The following INPP4A variants were observed in gnomAD, a reference collection of about 807,000 sequenced individuals.
INPP4A encodes inositol polyphosphate-4-phosphatase, type I, 107kD.
A neutral mutation model predicts 119.8 loss-of-function variants in INPP4A; 33 were observed. That is an observed-to-expected ratio of 0.28 (90% confidence interval 0.21 to 0.37). INPP4A has a LOEUF of 0.37. INPP4A is among the 10% of genes least tolerant of loss of function. INPP4A has a pLI of 1.00. For missense variants in INPP4A, 956 were observed against 1,289.9 expected, an observed-to-expected ratio of 0.74 and a Z score of 3.97; for synonymous variants, 496 against 500.7, an observed-to-expected ratio of 0.99 and a Z score of 0.12.
At chr2:98,556,365 G>T (rs943831070) in intron 16 of INPP4A, among the ~76,000 whole-genome samples, 3 of 152,234 alleles carry the variant, frequency 2.0e-5, no homozygotes, top group Non-Finnish European at 4.4e-5. Flanking sequence ...TGGGCTTCTG[G>T]TGGTCTGAGT....
chr2:98,565,731 C>T lies in INPP4A; in HGVS notation c.2244C>T (p.Ala748=), dbSNP rs1484839153. 7 of 1,613,432 alleles carry T rather than the reference C, an allele frequency of 4.3e-6. No individual in the cohort carries two copies. The highest frequency in any genetic ancestry group is 5.9e-6 in the Non-Finnish European group (7 of 1,179,654). ...TFKVTQATSS[A]SADMLPVITG... Reference sequence around the variant, plus strand: ...AAGTCACTCAGGCCACTTCCAGCGCCTCCGCAGACATGCTGCCCGTCATCA... The same window carrying T: ...AAGTCACTCAGGCCACTTCCAGCGCTTCCGCAGACATGCTGCCCGTCATCA... Residue 748 remains alanine, a synonymous_variant, in exon 20 of 25, where the codon GCC becomes GCT. Transcript: ENST00000409851.
In INPP4A at chr2:98,535,843, A is replaced by G. The variant is rs771383844; in HGVS notation, c.385A>G (p.Thr129Ala). The change falls in exon 6 of 25, where the codon ACA (threonine) becomes GCA (alanine). Residue 129 changes from threonine to alanine, a missense_variant and splice_region_variant. Around this residue, in one of 2 missense-constraint regions of INPP4A, gnomAD observed 652 missense variants for 797.9 expected, o/e 0.82. Transcript: ENST00000409851. ...VYDVKDRSQG[T>A]MYLLGSGTFI... Reference sequence around the variant, plus strand: ...TGATGTCAAAGATAGATCTCAGGGAACAGTTAAGTAATGTGTTGTAGTTCG... The same window carrying G: ...TGATGTCAAAGATAGATCTCAGGGAGCAGTTAAGTAATGTGTTGTAGTTCG... 3.5e-6 allele frequency: 5 copies of G among 1,422,544 alleles called. No individual in the cohort carries two copies. The highest frequency in any genetic ancestry group is 4.9e-6 in the Non-Finnish European group (5 of 1,015,634). 88.1% of individuals were successfully genotyped at this position (1,422,544 alleles called of 1,614,324 possible).
intron 1 of INPP4A, among the ~76,000 whole-genome samples, chr2:98,489,749 A>T (rs904284676): frequency 1.3e-5 from 2 of 152,110 alleles, no homozygotes; most frequent in Admixed American, 1.3e-4. Context: ...CTAGTCTGTA[A>T]CTATGGAGAG....
intron 1 of INPP4A, among the ~76,000 whole-genome samples, chr2:98,475,280 T>C (rs533101860): frequency 1.3e-5 from 2 of 152,186 alleles, no homozygotes; most frequent in African/African-American, 4.8e-5. Flanking sequence ...CCATCCTGGG[T>C]GCAACTTCAT....
chr2:98,485,380 C>G (rs1427544492), intron 1 of INPP4A, among the ~76,000 whole-genome samples: 1 of 152,160 alleles, frequency 6.6e-6, no homozygotes, highest in Non-Finnish European at 1.5e-5. Context: ...ATATCCAAGT[C>G]AGAACTGATT....
chr2:98,482,246 T>G (rs541871559), intron 1 of INPP4A, among the ~76,000 whole-genome samples: 1 of 152,404 alleles, frequency 6.6e-6, no homozygotes, highest in Admixed American at 6.5e-5. Context: ...TCTTTGCCTT[T>G]ACACCTGTGG....
At chr2:98,538,557 A>G (rs960961329) in intron 8 of INPP4A, among the ~76,000 whole-genome samples, 1 of 152,156 alleles carries the variant, frequency 6.6e-6, no homozygotes, top group African/African-American at 2.4e-5. Context: ...GAGATGTCTC[A>G]TTTCACCCAA....
chr2:98,539,718 C>G, intron 10 of INPP4A, 43 bp downstream of exon 10: 1 of 1,566,258 alleles, frequency 6.4e-7, no homozygotes, highest in Middle Eastern at 1.7e-4. Flanking sequence ...ATACCCATGT[C>G]ATGTGCCCCT....
At chr2:98,510,675 C>T (rs1684950322) in intron 1 of INPP4A, among the ~76,000 whole-genome samples, 2 of 152,316 alleles carry the variant, frequency 1.3e-5, no homozygotes, top group South Asian at 4.1e-4. Context: ...CTCCCAAAGG[C>T]CCCGCTTCTT....
intron 24 of INPP4A, chr2:98,581,464 T>G: frequency 9.2e-7 from 1 of 1,082,270 alleles, no homozygotes; most frequent in Non-Finnish European, 1.3e-6. Flanking sequence ...TTGTTTCTCT[T>G]GTTTATCCCA....
intron 1 of INPP4A, among the ~76,000 whole-genome samples, chr2:98,462,872 A>G (rs949760412): frequency 1.3e-5 from 2 of 151,890 alleles, no homozygotes; most frequent in Admixed American, 1.3e-4. Flanking sequence ...ATTTTTTAAA[A>G]TTTTTATTCA....
chr2:98,557,845 C>T (rs1337118669), intron 16 of INPP4A, among the ~76,000 whole-genome samples: 1 of 152,224 alleles, frequency 6.6e-6, no homozygotes, highest in Non-Finnish European at 1.5e-5. Flanking sequence ...CAAAAGTCTC[C>T]CATCCCCCTC....
intron 1 of INPP4A, among the ~76,000 whole-genome samples, chr2:98,496,442 G>A (rs1377955524): frequency 6.6e-6 from 1 of 152,140 alleles, no homozygotes; most frequent in East Asian, 1.9e-4. Context: ...CATAGGTGAG[G>A]CGCTTCAGGA....
chr2:98,580,868 G>A (rs931006322), intron 24 of INPP4A, among the ~76,000 whole-genome samples: 9 of 152,244 alleles, frequency 5.9e-5, no homozygotes, highest in African/African-American at 2.2e-4. Flanking sequence ...TTCTTCTGTA[G>A]CACCAAAAGG....
At chr2:98,474,980 A>G (rs772963034) in intron 1 of INPP4A, among the ~76,000 whole-genome samples, 3 of 152,072 alleles carry the variant, frequency 2.0e-5, no homozygotes, top group Non-Finnish European at 2.9e-5. Context: ...AAGGGTGTAC[A>G]CTGTATCAGA....
chr2:98,542,781 C>T (rs573461198), intron 10 of INPP4A, among the ~76,000 whole-genome samples: 1 of 151,802 alleles, frequency 6.6e-6, no homozygotes, highest in South Asian at 2.1e-4. Flanking sequence ...ATAACAATTC[C>T]TCTTTTTCTT....
intron 1 of INPP4A, among the ~76,000 whole-genome samples, chr2:98,473,300 G>T: frequency 6.8e-6 from 1 of 147,640 alleles, no homozygotes; most frequent in South Asian, 2.2e-4. Flanking sequence ...AGAGTGTGGC[G>T]GGTAGTGCGG....
In INPP4A at chr2:98,588,195, C is replaced by T. The variant is rs376825703; in HGVS notation, c.*587C>T. On this transcript the variant is annotated 3_prime_UTR_variant, in exon 25 of 25. Coordinates refer to ENST00000409851, the MANE Select transcript of INPP4A (RefSeq NM_001134225.2). ...GTTGAAAGAAAGATTGATAAATCAA[C>T]GGGAGATAAGACTTTATTAGAAGGT... is the stretch of plus-strand genomic sequence containing the variant. 4.3e-5 allele frequency: 9 copies of T among 210,512 alleles called. No individual in the cohort carries two copies. Among genetic ancestry groups the T allele is most frequent in the South Asian group, 1.9e-4 (1 of 5,346 alleles). 13.0% of individuals were successfully genotyped at this position (210,512 alleles called of 1,614,324 possible).
In INPP4A at chr2:98,466,048, G is replaced by GT. The variant is rs1428627803; in HGVS notation, c.-166+20970dup. 6.6e-5 allele frequency among the ~76,000 whole-genome samples: 10 copies of GT among 151,950 alleles called. No homozygotes were observed. The East Asian group carries it at 1.9e-3, about 29-fold the overall frequency. On this transcript the variant is annotated intron_variant, in intron 1 of 24. Transcript: ENST00000409851. The stretch of plus-strand genomic sequence containing the variant: ...CGTTTTTTGTTTTGTTTTGTTTTTT[G>GT]TTTTTTTGTTTTTTTGAGATGGAGT...
Sources: allele counts gnomAD v4.1 joint callset (sites outside exome capture counted in the v4.1 genomes callset), GRCh38; gene constraint gnomAD v4.1.1; regional missense constraint gnomAD v4.1.1; transcripts MANE v1.5; gene names NCBI Gene and HGNC (gene_info 2026-07-23, HGNC 2026-07-21).